Variants in CFAP91 observed in about 807,000 individuals in gnomAD.
CFAP91 encodes the protein cilia- and flagella-associated protein 91.
CFAP91 carries 85 observed loss-of-function variants against 95.9 expected under a neutral mutation model. The observed-to-expected ratio is 0.89, with a 90% confidence interval of 0.74 to 1.06. The LOEUF is 1.06. CFAP91 is among the 50% of genes least tolerant of loss of function. The pLI, the probability that CFAP91 is intolerant of heterozygous loss-of-function variation, is 0.00. For missense variants in CFAP91, 962 were observed against 943.4 expected (o/e 1.02, Z -0.26); for synonymous variants, 335 against 327.5 (o/e 1.02, Z -0.25).
chr3:119,741,424 C>A (rs1363626834), intron 13 of CFAP91, among the ~76,000 whole-genome samples: 1 of 152,140 alleles, frequency 6.6e-6, no homozygotes. Context: ...GCTGTCATAG[C>A]TCATGCTGGT....
chr3:119,706,967 T>TCACCA, intron 2 of CFAP91, 82 bp downstream of exon 2: 1 of 1,058,006 alleles, frequency 9.5e-7, no homozygotes, highest in South Asian at 1.3e-5. Context: ...GATTGACTAA[T>TCACCA]CACCAAATCT....
At chr3:119,703,548 C>A (rs1447378439) in intron 1 of CFAP91, among the ~76,000 whole-genome samples, 3 of 152,250 alleles carry the variant, frequency 2.0e-5, no homozygotes, top group East Asian at 1.9e-4. Flanking sequence ...AACGTTCCTG[C>A]ATAAAATGCC....
At chr3:119,716,686 A>C (rs142928096) in intron 6 of CFAP91, among the ~76,000 whole-genome samples, 8 of 152,290 alleles carry the variant, frequency 5.3e-5, no homozygotes, top group African/African-American at 1.9e-4. Context: ...TCCTGGGTTC[A>C]AGTGATTCTC....
intron 17 of CFAP91, among the ~76,000 whole-genome samples, chr3:119,761,435 T>C (rs1283886072): frequency 6.6e-6 from 1 of 151,654 alleles, no homozygotes; most frequent in Non-Finnish European, 1.5e-5. Flanking sequence ...ACCAAATGTT[T>C]AAATTTCAGT....
At position 119,713,416 on chromosome 3, in the gene CFAP91, C is replaced by T. The variant is rs539383479; in HGVS notation, c.501-2146C>T. Among the ~76,000 whole-genome samples the T allele has an allele frequency of 4.8e-3, 701 of 145,524 alleles. 4 individuals carry two copies. Among genetic ancestry groups the T allele is most frequent in the African/African-American group, 0.017 (654 of 39,512 alleles). ...TACAGGCATAAGCCACTGTACCTCG[C>T]CCTTTTTTTTTTTTTTAAACATCTT... On this transcript the variant is annotated intron_variant, in intron 5 of 17. Transcript: ENST00000273390.
intron 17 of CFAP91, among the ~76,000 whole-genome samples, chr3:119,764,369 C>T (rs2054593124): frequency 6.6e-6 from 1 of 152,048 alleles, no homozygotes; most frequent in African/African-American, 2.4e-5. Flanking sequence ...GGCTAACATA[C>T]TGTTATATAA....
At chr3:119,743,274 C>G (rs780127149) in intron 13 of CFAP91, among the ~76,000 whole-genome samples, 1 of 151,654 alleles carries the variant, frequency 6.6e-6, no homozygotes. Context: ...CGCACCACCA[C>G]GACTGGCTAA....
At chr3:119,711,192 T>C (rs1030473389) in intron 5 of CFAP91, among the ~76,000 whole-genome samples, 12 of 152,208 alleles carry the variant, frequency 7.9e-5, no homozygotes, top group African/African-American at 2.9e-4. Context: ...TACTTCACCC[T>C]TGACATTTTT....
intron 13 of CFAP91, among the ~76,000 whole-genome samples, chr3:119,743,011 C>T (rs1161127889): frequency 6.6e-6 from 1 of 152,060 alleles, no homozygotes; most frequent in South Asian, 2.1e-4. Flanking sequence ...TTTTCTTCTC[C>T]ATATGTCAAA....
intron 15 of CFAP91, 71 bp from the exon 16 acceptor site, chr3:119,747,740 C>T: frequency 7.9e-7 from 1 of 1,271,230 alleles, no homozygotes; most frequent in Non-Finnish European, 1.1e-6. Flanking sequence ...GCTTACACAG[C>T]AGGAAAGCAT....
At chr3:119,736,634 T>C (rs2054013878) in intron 10 of CFAP91, among the ~76,000 whole-genome samples, 1 of 152,182 alleles carries the variant, frequency 6.6e-6, no homozygotes, top group Non-Finnish European at 1.5e-5. Flanking sequence ...CATGGAGTCA[T>C]GCAGTATATG....
intron 10 of CFAP91, among the ~76,000 whole-genome samples, chr3:119,736,268 G>GTTTTTTTTTTTTTT (rs770777389): frequency 1.2e-5 from 1 of 85,326 alleles, no homozygotes. Context: ...TCTTTCTATT[G>GTTTTTTTTTTTTTT]TTTTTTTTTT....
chr3:119,720,367 A>C (rs1188716302), intron 6 of CFAP91, among the ~76,000 whole-genome samples: 1 of 150,546 alleles, frequency 6.6e-6, no homozygotes, highest in Non-Finnish European at 1.5e-5. Flanking sequence ...ACTGCACTCC[A>C]GCCTGGGCGA....
chr3:119,756,632 T>G (rs1416157067), intron 17 of CFAP91, among the ~76,000 whole-genome samples: 1 of 152,160 alleles, frequency 6.6e-6, no homozygotes, highest in Admixed American at 6.6e-5. Context: ...ATGGATTAAA[T>G]TTTTCTAAGG....
intron 17 of CFAP91, among the ~76,000 whole-genome samples, chr3:119,752,981 G>T (rs1016672886): frequency 1.3e-5 from 2 of 152,172 alleles, no homozygotes; most frequent in Non-Finnish European, 2.9e-5. Context: ...GAGAATGACA[G>T]ATGTGAGATT....
chr3:119,747,322 A>AT, intron 15 of CFAP91, 59 bp downstream of exon 15: 1 of 1,541,850 alleles, frequency 6.5e-7, no homozygotes, highest in Non-Finnish European at 8.7e-7. Flanking sequence ...ACTCATATAT[A>AT]TTTTTTCAAG....
At chr3:119,735,286 CT>C (rs1299858288) in intron 10 of CFAP91, among the ~76,000 whole-genome samples, 2 of 151,984 alleles carry the variant, frequency 1.3e-5, no homozygotes, top group Non-Finnish European at 2.9e-5. Context: ...TTTCTTTCTA[CT>C]TTTTTAGGGT....
chr3:119,707,111 A>G (rs552278479), intron 2 of CFAP91: 7 of 551,910 alleles, frequency 1.3e-5, no homozygotes, highest in Admixed American at 6.3e-5. Flanking sequence ...ATTTATTTCA[A>G]TGGGATAAAT....
intron 4 of CFAP91, among the ~76,000 whole-genome samples, chr3:119,709,444 A>T (rs1408643667): frequency 6.6e-6 from 1 of 152,222 alleles, no homozygotes; most frequent in African/African-American, 2.4e-5. Context: ...CTTCATATTA[A>T]ATCACTGTGA....
Sources: gnomAD v4.1 joint callset for allele counts (sites outside exome capture counted in the v4.1 genomes callset) on GRCh38, gnomAD v4.1.1 for gene constraint, MANE v1.5 for transcripts, NCBI Gene and HGNC (gene_info 2026-07-23, HGNC 2026-07-21) for gene names.